Variants in FEM1B observed in about 807,000 individuals in gnomAD.
The protein encoded by FEM1B is fem-1 homolog B.
FEM1B carries 10 observed loss-of-function variants against 38.6 expected under a neutral mutation model. That is an observed-to-expected ratio of 0.26 (90% CI 0.16 to 0.44). The LOEUF is 0.44. FEM1B is among the 20% of genes least tolerant of loss of function. The pLI, the probability that FEM1B is intolerant of heterozygous loss-of-function variation, is 1.00. For synonymous variants in FEM1B, 288 were observed against 288.0 expected (o/e 1.00, Z 0.00); for missense variants, 471 against 786.7 (o/e 0.60, Z 4.80).
At chr15:68,279,097 C>T (rs1428736593) in intron 1 of FEM1B, among the ~76,000 whole-genome samples, 3 of 152,182 alleles carry the variant, frequency 2.0e-5, no homozygotes, top group Admixed American at 1.3e-4. Flanking sequence ...TTTTTACTCC[C>T]TTCAAGTGAG....
At position 68,290,616 on chromosome 15, in the gene FEM1B, C is replaced by A; in HGVS notation, c.1258C>A (p.Gln420Lys). The A allele has an allele frequency of 6.2e-7, 1 of 1,614,132 alleles. No homozygotes were observed. The highest frequency in any genetic ancestry group is 8.5e-7 in the Non-Finnish European group (1 of 1,179,978). The part of the protein sequence containing the change: ...VLRCSVLEIE[Q>K]SMNRVKNISD... Reference sequence around the variant, plus strand: ...GAGATGCAGTGTTTTGGAAATAGAACAAAGTATGAACAGAGTGAAAAATAT... The same window carrying A: ...GAGATGCAGTGTTTTGGAAATAGAAAAAAGTATGAACAGAGTGAAAAATAT... Residue 420 changes from glutamine to lysine, a missense_variant, in exon 2 of 2, where the codon CAA becomes AAA. Transcript: ENST00000306917. This position sits in a 1 kb window ranked among gnomAD's most constrained non-coding sequence, Gnocchi z 9.7.
intron 1 of FEM1B, among the ~76,000 whole-genome samples, chr15:68,282,879 AT>A (rs771300003): frequency 9.8e-5 from 15 of 152,312 alleles, no homozygotes; most frequent in Non-Finnish European, 1.5e-4. Context: ...AATCTGTTTA[AT>A]ATTTTGATTT....
chr15:68,291,855 A>T lies in FEM1B; in HGVS notation c.*613A>T, dbSNP rs1315341181. 1.3e-5 allele frequency: 2 copies of T among 152,286 alleles called. No homozygotes were observed. The highest frequency in any genetic ancestry group is 2.9e-5 in the Non-Finnish European group (2 of 68,068). The allele number at this position is 152,286 out of a possible 1,614,324, so 9.4% of individuals were successfully genotyped here. A position where few individuals can be genotyped will look rare whatever the true frequency, so the allele number is the denominator to read the frequency against. The stretch of plus-strand genomic sequence containing the variant: ...AATAGTTACAAATTTATAAATTTAA[A>T]TCCATTTGAAATTGTTGCATTATGC... On this transcript the variant is annotated 3_prime_UTR_variant, in exon 2 of 2. Transcript: ENST00000306917. This position sits in a 1 kb window ranked among gnomAD's most constrained non-coding sequence, Gnocchi z 6.9.
chr15:68,290,182 A>G lies in FEM1B; in HGVS notation c.824A>G (p.Tyr275Cys), dbSNP rs1478767105. Residue 275 changes from tyrosine to cysteine, a missense_variant, in exon 2 of 2, where the codon TAT (tyrosine) becomes TGT (cysteine). Physicochemically the swap from Tyr to Cys is radical, Grantham distance 194 (BLOSUM62 -2). Coordinates refer to ENST00000306917, the MANE Select transcript of FEM1B (RefSeq NM_015322.5). This position sits in a 1 kb window ranked among gnomAD's most constrained non-coding sequence, Gnocchi z 9.7. ...TATGACATCATAAAGACATACCACTATCTATATTTAGCCATGTTAGAGAGG... is the reference window on the plus strand; with the variant it reads ...TATGACATCATAAAGACATACCACTGTCTATATTTAGCCATGTTAGAGAGG... The part of the protein sequence containing the change: ...ENYDIIKTYH[Y>C]LYLAMLERFQ... 8 of 1,613,836 alleles carry G rather than the reference A, an allele frequency of 5.0e-6. No homozygotes were observed. The highest frequency in any genetic ancestry group is 1.3e-5 in the African/African-American group (1 of 74,936).
At position 68,291,385 on chromosome 15, in the gene FEM1B, T is replaced by G. The variant is rs931638254; in HGVS notation, c.*143T>G. 1.6e-6 allele frequency: 1 copy of G among 625,724 alleles called. No individual in the cohort carries two copies. Among genetic ancestry groups the G allele is most frequent in the Admixed American group, 3.4e-5 (1 of 29,246 alleles). 38.8% of individuals were successfully genotyped at this position (625,724 alleles called of 1,614,324 possible). On this transcript the variant is annotated 3_prime_UTR_variant, in exon 2 of 2. Transcript: ENST00000306917. This position sits in a 1 kb window ranked among gnomAD's most constrained non-coding sequence, Gnocchi z 6.9. ...TCCCATCCTTCCTTAGTTCTGTATT[T>G]GTTTTTCTTGCCTCATGGTAATTGA...
rs1167304399 is a variant in FEM1B at position 68,292,090 on chromosome 15, A to G, written c.*848A>G. On this transcript the variant is annotated 3_prime_UTR_variant, in exon 2 of 2. Transcript: ENST00000306917. ...TTGTCACAGTGTAGTTATACATTCT[A>G]TTTTTGTCCCCTTTTCCCTTTTTCT... 2 of 152,254 alleles carry G rather than the reference A, an allele frequency of 1.3e-5. No individual in the cohort carries two copies. The highest frequency in any genetic ancestry group is 1.9e-4 in the East Asian group (1 of 5,194). 9.4% of individuals were successfully genotyped at this position (152,254 alleles called of 1,614,324 possible).
Position 68,292,399 on chromosome 15 carries a change from G to A in FEM1B, c.*1157G>A, listed in dbSNP as rs1349491930. 6.6e-6 allele frequency: 1 copy of A among 152,072 alleles called. No homozygotes were observed. The highest frequency in any genetic ancestry group is 2.4e-5 in the African/African-American group (1 of 41,412). 9.4% of individuals were successfully genotyped at this position (152,072 alleles called of 1,614,324 possible). A position where few individuals can be genotyped will look rare whatever the true frequency, so the allele number is the denominator to read the frequency against. On this transcript the variant is annotated 3_prime_UTR_variant, in exon 2 of 2. Coordinates refer to ENST00000306917, the MANE Select transcript of FEM1B (RefSeq NM_015322.5). ...CACTTATTCCTACAGGCTATACAGA[G>A]GTCTTTATGGTTTTTTTGTTTTGTT...
Position 68,291,486 on chromosome 15 carries a change from C to CTTTCT in FEM1B, c.*248_*252dup. ...ATTTGCATATTGGTTACCTATTTGT[C>CTTTCT]TTTCTTTTTTTTAAAGGAACAGATA... On this transcript the variant is annotated 3_prime_UTR_variant, in exon 2 of 2. Coordinates refer to ENST00000306917, the MANE Select transcript of FEM1B (RefSeq NM_015322.5). This position sits in a 1 kb window ranked among gnomAD's most constrained non-coding sequence, Gnocchi z 6.9. The CTTTCT allele has an allele frequency of 4.8e-6, 2 of 419,890 alleles. No homozygotes were observed. The highest frequency in any genetic ancestry group is 8.4e-6 in the Non-Finnish European group (2 of 238,208). 26.0% of individuals were successfully genotyped at this position (419,890 alleles called of 1,614,324 possible).
Position 68,278,152 on chromosome 15 carries a change from G to C in FEM1B, c.-266G>C, listed in dbSNP as rs1163411580. The C allele has an allele frequency of 2.4e-6, 1 of 419,652 alleles. No homozygotes were observed. The highest frequency in any genetic ancestry group is 2.1e-5 in the African/African-American group (1 of 46,656). The allele number at this position is 419,652 out of a possible 1,614,324, so 26.0% of individuals were successfully genotyped here. A position where few individuals can be genotyped will look rare whatever the true frequency, so the allele number is the denominator to read the frequency against. ...CGCCATGGAGATCCCCTCGGTCCAG[G>C]GCCGGCGCCTGGGACCTGGCGGGCG... On this transcript the variant is annotated 5_prime_UTR_variant, in exon 1 of 2. Coordinates refer to ENST00000306917, the MANE Select transcript of FEM1B (RefSeq NM_015322.5). The surrounding 1 kb of genome is among the most constrained non-coding windows in gnomAD (Gnocchi z 5.7).
intron 1 of FEM1B, among the ~76,000 whole-genome samples, chr15:68,285,143 C>CT (rs1160623384): frequency 6.6e-6 from 1 of 152,034 alleles, no homozygotes; most frequent in Non-Finnish European, 1.5e-5. Context: ...TTTTGTTTGG[C>CT]TTTTTTCGCT....
At chr15:68,286,058 G>A (rs1892781418) in intron 1 of FEM1B, among the ~76,000 whole-genome samples, 1 of 148,172 alleles carries the variant, frequency 6.7e-6, no homozygotes, top group African/African-American at 2.5e-5. Context: ...TCTAATTTTT[G>A]TATGTACTGT....
Position 68,291,314 on chromosome 15 carries a change from T to TAA in FEM1B, c.*73_*74insAA. The TAA allele has an allele frequency of 8.7e-7, 1 of 1,155,602 alleles. No homozygotes were observed. Among genetic ancestry groups the TAA allele is most frequent in the Non-Finnish European group, 1.2e-6 (1 of 813,762 alleles). The allele number at this position is 1,155,602 out of a possible 1,614,324, so 71.6% of individuals were successfully genotyped here. On this transcript the variant is annotated 3_prime_UTR_variant, in exon 2 of 2. Transcript: ENST00000306917. The surrounding 1 kb of genome is among the most constrained non-coding windows in gnomAD (Gnocchi z 6.9). ...GACTTTTAATCACAGACAGTAGAAT[T>TAA]ATGTGTTCATAAATTCTGCTTTTCT...
In FEM1B at chr15:68,281,017, T is replaced by G. The variant is rs557991532; in HGVS notation, c.248+2352T>G. On this transcript the variant is annotated intron_variant, in intron 1 of 1. Coordinates refer to ENST00000306917, the MANE Select transcript of FEM1B (RefSeq NM_015322.5). The surrounding 1 kb of genome is among the most constrained non-coding windows in gnomAD (Gnocchi z 5.1). ...AGATATTGAAGTTCCTGGTACTCTC[T>G]GTGCATTCACACCTTCTGTGAGATT... Among the ~76,000 whole-genome samples, 2 of 152,382 alleles carry G rather than the reference T, an allele frequency of 1.3e-5. No homozygotes were observed. The highest frequency in any genetic ancestry group is 3.9e-4 in the East Asian group (2 of 5,188).
chr15:68,285,728 C>T (rs1391957574), intron 1 of FEM1B, among the ~76,000 whole-genome samples: 1 of 149,134 alleles, frequency 6.7e-6, no homozygotes, highest in Non-Finnish European at 1.5e-5. Context: ...GAGACAGGAT[C>T]TTGCTGTGTC....
rs540820618 is a variant in FEM1B, at chr15:68,282,292, C to A, written c.248+3627C>A. On this transcript the variant is annotated intron_variant, in intron 1 of 1. Transcript: ENST00000306917. Reference sequence around the variant, plus strand: ...TTTAAAGTCAGTGCTAGTACTAATACTTCTGATAAATGTTGAGGCGGAGGA... The same window carrying A: ...TTTAAAGTCAGTGCTAGTACTAATAATTCTGATAAATGTTGAGGCGGAGGA... Among the ~76,000 whole-genome samples, 34 of 151,888 alleles carry A rather than the reference C, an allele frequency of 2.2e-4. 1 individual carries two copies. The South Asian group carries it at 6.9e-3, about 31-fold the overall frequency.
chr15:68,291,449 T>TAAC lies in FEM1B; in HGVS notation c.*208_*210dup, dbSNP rs1166200594. On this transcript the variant is annotated 3_prime_UTR_variant, in exon 2 of 2. Coordinates refer to ENST00000306917, the MANE Select transcript of FEM1B (RefSeq NM_015322.5). The surrounding 1 kb of genome is among the most constrained non-coding windows in gnomAD (Gnocchi z 6.9). ...TTAACAAAACCACATTGTTTTGGTG[T>TAAC]AACTATAAGGTATTTGCATATTGGT... 2.2e-4 allele frequency: 117 copies of TAAC among 521,976 alleles called. No homozygotes were observed. The highest frequency in any genetic ancestry group is 2.1e-3 in the African/African-American group (109 of 51,738). The allele number at this position is 521,976 out of a possible 1,614,324, so 32.3% of individuals were successfully genotyped here.
chr15:68,282,789 T>C (rs1892742604), intron 1 of FEM1B, among the ~76,000 whole-genome samples: 1 of 152,220 alleles, frequency 6.6e-6, no homozygotes, highest in Non-Finnish European at 1.5e-5. Flanking sequence ...TATTTTGTTT[T>C]GAGGCAGTAT....
At chr15:68,283,466 C>T (rs1461403071) in intron 1 of FEM1B, among the ~76,000 whole-genome samples, 13 of 135,332 alleles carry the variant, frequency 9.6e-5, no homozygotes, top group Non-Finnish European at 1.7e-4. Flanking sequence ...GAATTTGAGA[C>T]CATCCTGGGC....
At chr15:68,282,914 C>T (rs1892743422) in intron 1 of FEM1B, among the ~76,000 whole-genome samples, 2 of 151,992 alleles carry the variant, frequency 1.3e-5, no homozygotes, top group South Asian at 4.1e-4. Context: ...CTAAATTTAC[C>T]AAGGCTAATG....
Sources: gnomAD v4.1 joint callset for allele counts (sites outside exome capture counted in the v4.1 genomes callset) on GRCh38, gnomAD v4.1.1 for gene constraint, Gnocchi (gnomAD v3.1) non-coding constraint, MANE v1.5 for transcripts, NCBI Gene and HGNC (gene_info 2026-07-23, HGNC 2026-07-21) for gene names.